GNG13: variants seen among roughly 807,000 people sequenced by gnomAD.
GNG13 encodes the protein guanine nucleotide-binding protein G(I)/G(S)/G(O) subunit gamma-13.
A neutral mutation model predicts 8.2 loss-of-function variants in GNG13; 12 were observed. The observed-to-expected ratio is 1.47, with a 90% CI of 0.94 to 2.38. The LOEUF (loss-of-function observed/expected upper bound fraction) is 2.38, where lower values mean the gene tolerates loss of function less well. Among genes scored for constraint, GNG13 ranks in the 30% most tolerant of loss-of-function variants. GNG13 has a pLI of 0.00. For synonymous variants in GNG13, 45 were observed against 33.0 expected (o/e 1.37, Z -1.25); for missense variants, 100 against 85.2 (o/e 1.17, Z -0.68).
chr16:798,154 C>A lies in GNG13; in HGVS notation c.*565G>T. On this transcript the variant is annotated 3_prime_UTR_variant, in exon 3 of 3. Transcript: ENST00000248150. ...GCTCATAGGATGGTGTGAGTGGGGC[C>A]AGGAGTGGGGCTCACAGGATGGTGG... The A allele has an allele frequency of 1.3e-6, 1 of 798,822 alleles. No individual in the cohort carries two copies. The highest frequency in any genetic ancestry group is 2.0e-6 in the Non-Finnish European group (1 of 509,284). 49.5% of individuals were successfully genotyped at this position (798,822 alleles called of 1,614,324 possible).
chr16:799,042 C>T lies in GNG13; in HGVS notation c.36G>A (p.Glu12=). 2 of 1,611,336 alleles carry T rather than the reference C, an allele frequency of 1.2e-6. No individual in the cohort carries two copies. Among genetic ancestry groups the T allele is most frequent in the Non-Finnish European group, 1.7e-6 (2 of 1,177,764 alleles). Residue 12 remains glutamate, a synonymous_variant, in exon 2 of 3, where the codon GAG becomes GAA. Transcript: ENST00000248150. ...CCAGCTGGTACTTGAGGCTCTCCAC[C>T]TCTTTCTTCATCTGTGGCACGTCCC... ...EEWDVPQMKK[E]VESLKYQLAF...
chr16:798,746 C>G lies in GNG13; in HGVS notation c.177G>C (p.Val59=). Residue 59 remains valine (V), a synonymous_variant, in exon 3 of 3, where the codon GTG becomes GTC. Transcript: ENST00000248150. ...ACAGGATGGTGCATTTGCCCTTTTC[C>G]ACCCATGGGTTGTTCTTCATCAGGT... The part of the protein sequence containing the change: ...NPDLMKNNPW[V]EKGKCTIL 6.2e-7 allele frequency: 1 copy of G among 1,612,082 alleles called. No homozygotes were observed. Among genetic ancestry groups the G allele is most frequent in the Non-Finnish European group, 8.5e-7 (1 of 1,178,446 alleles).
At chr16:798,858 A>C (rs2151653652) in intron 2 of GNG13, 34 bp from the exon 3 acceptor site, 1 of 1,477,724 alleles carries the variant, frequency 6.8e-7, no homozygotes, top group East Asian at 2.3e-5. Flanking sequence ...GAGTGGTGGC[A>C]CCTGACCCCC....
At chr16:798,874 C>T in intron 2 of GNG13, 50 bp from the exon 3 acceptor site, 1 of 1,386,776 alleles carries the variant, frequency 7.2e-7, no homozygotes, top group Non-Finnish European at 1.0e-6. Flanking sequence ...CCCCCGAGGG[C>T]CTCCTGCTGC....
rs2042423683 is a variant in GNG13 at position 798,964 on chromosome 16, C to A, written c.98+16G>T. 2.6e-6 allele frequency: 4 copies of A among 1,516,350 alleles called. No homozygotes were observed. The East Asian group carries it at 9.0e-5, about 34-fold the overall frequency. 93.9% of individuals were successfully genotyped at this position (1,516,350 alleles called of 1,614,324 possible). A position where few individuals can be genotyped will look rare whatever the true frequency, so the allele number is the denominator to read the frequency against. On this transcript the variant is annotated intron_variant, in intron 2 of 2. Transcript: ENST00000248150. Reference sequence around the variant, plus strand: ...GCAGACAAATGAGAGGCAAATCAGGCAGGTGGGGCACTCACTCGGGGATGG... The same window carrying A: ...GCAGACAAATGAGAGGCAAATCAGGAAGGTGGGGCACTCACTCGGGGATGG...
intron 1 of GNG13, among the ~76,000 whole-genome samples, chr16:800,198 C>G (rs944945980): frequency 2.0e-5 from 3 of 152,128 alleles, no homozygotes; most frequent in African/African-American, 7.2e-5. Context: ...GATTCCCTCC[C>G]GGAGACTCTG....
Position 798,252 on chromosome 16 carries a change from G to T in GNG13, c.*467C>A. ...CGTGGTCTCACAGGATGGAGTGAAT[G>T]GGGCCGGGCACAGTCTTACAAGATG... On this transcript the variant is annotated 3_prime_UTR_variant, in exon 3 of 3. Coordinates refer to ENST00000248150, the MANE Select transcript of GNG13 (RefSeq NM_016541.3). 1.7e-6 allele frequency: 1 copy of T among 590,784 alleles called. No individual in the cohort carries two copies. The highest frequency in any genetic ancestry group is 3.0e-6 in the Non-Finnish European group (1 of 331,198). The allele number at this position is 590,784 out of a possible 1,614,324, so 36.6% of individuals were successfully genotyped here.
Position 799,060 on chromosome 16 carries a change from C to T in GNG13, c.18G>A (p.Val6=), listed in dbSNP as rs201244536. 5 of 1,605,304 alleles carry T rather than the reference C, an allele frequency of 3.1e-6. No homozygotes were observed. In the African/African-American group the frequency reaches 4.0e-5, roughly 13 times the overall value. MEEWD[V]PQMKKEVESL... ...TCTCCACCTCTTTCTTCATCTGTGG[C>T]ACGTCCCACTCCTCCATGGGGTCAG... Residue 6 remains valine (V), a synonymous_variant, in exon 2 of 3, where the codon GTG becomes GTA. Transcript: ENST00000248150.
chr16:799,708 C>T lies in GNG13; in HGVS notation c.-34-597G>A, dbSNP rs78769457. Among the ~76,000 whole-genome samples, 678 of 152,048 alleles carry T rather than the reference C, an allele frequency of 4.5e-3. 36 individuals carry two copies. In the East Asian group the frequency reaches 0.097, roughly 22 times the overall value. Reference sequence around the variant, plus strand: ...GGTGGCCCCTGGGTCCCCAGTGTGTCTGGGAACCACACACGTTACCTGCGT... The same window carrying T: ...GGTGGCCCCTGGGTCCCCAGTGTGTTTGGGAACCACACACGTTACCTGCGT... On this transcript the variant is annotated intron_variant, in intron 1 of 2. Transcript: ENST00000248150.
At chr16:800,420 G>A (rs372168625) in intron 1 of GNG13, among the ~76,000 whole-genome samples, 6 of 152,290 alleles carry the variant, frequency 3.9e-5, no homozygotes, top group East Asian at 1.9e-4. Context: ...CCCCGTGGAC[G>A]CCCCCAGCCA....
Position 798,803 on chromosome 16 carries a change from G to T in GNG13, c.120C>A (p.Asp40Glu), listed in dbSNP as rs148977203. 6.8e-6 allele frequency: 11 copies of T among 1,611,700 alleles called. No homozygotes were observed. Among genetic ancestry groups the T allele is most frequent in the Non-Finnish European group, 9.3e-6 (11 of 1,178,602 alleles). The change falls in exon 3 of 3, where the codon GAC (aspartate) becomes GAA (glutamate). Residue 40 changes from aspartate (D) to glutamate (E), a missense_variant. Asp to Glu is a conservative substitution (Grantham distance 45, BLOSUM62 2). Coordinates refer to ENST00000248150, the MANE Select transcript of GNG13 (RefSeq NM_016541.3). ...TIPELLKWIEDGIPKDPFLNP... is the reference protein window; with the variant it reads ...TIPELLKWIEEGIPKDPFLNP... ...TCAGGAAGGGGTCCTTGGGGATCCC[G>T]TCCTCGATCCACTTCAGCAGCCTGC...
chr16:798,147 GT>G lies in GNG13; in HGVS notation c.*571del. ...GGCGTGGGCTCATAGGATGGTGTGA[GT>G]GGGGCCAGGAGTGGGGCTCACAGGA... On this transcript the variant is annotated 3_prime_UTR_variant, in exon 3 of 3. Coordinates refer to ENST00000248150, the MANE Select transcript of GNG13 (RefSeq NM_016541.3). The G allele has an allele frequency of 1.2e-6, 1 of 866,378 alleles. No homozygotes were observed. Among genetic ancestry groups the G allele is most frequent in the Non-Finnish European group, 1.8e-6 (1 of 563,264 alleles). The allele number at this position is 866,378 out of a possible 1,614,324, so 53.7% of individuals were successfully genotyped here. A position where few individuals can be genotyped will look rare whatever the true frequency, so the allele number is the denominator to read the frequency against.
chr16:798,475 G>A lies in GNG13; in HGVS notation c.*244C>T. 1 of 581,896 alleles carries A rather than the reference G, an allele frequency of 1.7e-6. No individual in the cohort carries two copies. The highest frequency in any genetic ancestry group is 3.2e-6 in the Non-Finnish European group (1 of 316,956). The allele number at this position is 581,896 out of a possible 1,614,324, so 36.0% of individuals were successfully genotyped here. The stretch of plus-strand genomic sequence containing the variant: ...ATGGTGGGAGTGGGGCTGGGAGTGG[G>A]ACTCACAGGATGGAGTGAATGGGGC... On this transcript the variant is annotated 3_prime_UTR_variant, in exon 3 of 3. Transcript: ENST00000248150.
At chr16:798,902 G>T in intron 2 of GNG13, 78 bp from the exon 3 acceptor site, 3 of 1,346,070 alleles carry the variant, frequency 2.2e-6, no homozygotes, top group South Asian at 2.3e-5. Flanking sequence ...TGTCGGCGGC[G>T]GTGGTCGTGG....
chr16:799,587 A>C (rs2042429881), intron 1 of GNG13, among the ~76,000 whole-genome samples: 2 of 152,116 alleles, frequency 1.3e-5, no homozygotes, highest in Non-Finnish European at 2.9e-5. Context: ...CTGGACAGGA[A>C]TGTTCTGCTG....
chr16:798,898 C>T lies in GNG13; in HGVS notation c.99-74G>A, dbSNP rs928638810. 204 of 1,344,542 alleles carry T rather than the reference C, an allele frequency of 1.5e-4. 1 individual carries two copies. The highest frequency in any genetic ancestry group is 1.1e-3 in the Middle Eastern group (6 of 5,562). 83.3% of individuals were successfully genotyped at this position (1,344,542 alleles called of 1,614,324 possible). A position where few individuals can be genotyped will look rare whatever the true frequency, so the allele number is the denominator to read the frequency against. ...GCCTCCTGCTGCACCTGCCTGTCGG[C>T]GGCGGTGGTCGTGGCTATGGAAATG... is the stretch of plus-strand genomic sequence containing the variant. On this transcript the variant is annotated intron_variant, in intron 2 of 2. Transcript: ENST00000248150.
At chr16:798,921 A>T (rs1279849575) in intron 2 of GNG13, 59 bp downstream of exon 2, 24 of 1,367,064 alleles carry the variant, frequency 1.8e-5, no homozygotes, top group Non-Finnish European at 2.5e-5. Context: ...GGCTATGGAA[A>T]TGAGCAGCCA....
rs1320621685 is a variant in GNG13 at position 798,532 on chromosome 16, G to C, written c.*187C>G. ...TAGTCTTACAAGATGGAGTGAGTGG[G>C]GCCGGGAGTGGGGCTCACAGGTTGG... On this transcript the variant is annotated 3_prime_UTR_variant, in exon 3 of 3. Coordinates refer to ENST00000248150, the MANE Select transcript of GNG13 (RefSeq NM_016541.3). 4.3e-6 allele frequency: 3 copies of C among 704,638 alleles called. No homozygotes were observed. The East Asian group carries it at 7.6e-5, about 18-fold the overall frequency. 43.6% of individuals were successfully genotyped at this position (704,638 alleles called of 1,614,324 possible). A position where few individuals can be genotyped will look rare whatever the true frequency, so the allele number is the denominator to read the frequency against.
intron 1 of GNG13, among the ~76,000 whole-genome samples, chr16:800,188 G>A (rs550211773): frequency 8.5e-5 from 13 of 152,268 alleles, no homozygotes; most frequent in Non-Finnish European, 2.9e-5. Flanking sequence ...TCATGCAGAG[G>A]ATTCCCTCCC....
Sources: allele counts gnomAD v4.1 joint callset (sites outside exome capture counted in the v4.1 genomes callset), GRCh38; gene constraint gnomAD v4.1.1; transcripts MANE v1.5; gene names NCBI Gene and HGNC (gene_info 2026-07-23, HGNC 2026-07-21).